SUMF1: variants seen among roughly 807,000 people sequenced by gnomAD.
SUMF1 encodes sulfatase modifying factor 1.
In SUMF1, 48 loss-of-function variants were observed where a neutral mutation model predicts 47.6. The observed-to-expected ratio is 1.01, with a 90% CI of 0.80 to 1.28. The LOEUF is 1.28. SUMF1 is among the 50% of genes most tolerant of loss of function. The pLI is 0.00. For missense variants in SUMF1, 571 were observed against 485.4 expected, an observed-to-expected ratio of 1.18 and a Z score of -1.66; for synonymous variants, 230 against 192.1, an observed-to-expected ratio of 1.20 and a Z score of -1.63.
intron 8 of SUMF1, among the ~76,000 whole-genome samples, chr3:4,115,415 G>T (rs1471509644): frequency 6.6e-6 from 1 of 152,134 alleles, no homozygotes; most frequent in Non-Finnish European, 1.5e-5. Flanking sequence ...ATAAGGCAGA[G>T]GGCCTAATTG....
At chr3:4,190,398 G>A (rs769046031) in intron 8 of SUMF1, among the ~76,000 whole-genome samples, 28 of 152,024 alleles carry the variant, frequency 1.8e-4, no homozygotes, top group Non-Finnish European at 3.2e-4. Flanking sequence ...GAGTACAGAA[G>A]CAAAAGAATT....
chr3:4,159,666 T>A (rs570301739), intron 8 of SUMF1, among the ~76,000 whole-genome samples: 1 of 152,256 alleles, frequency 6.6e-6, no homozygotes, highest in Admixed American at 6.5e-5. Context: ...TGACTTCTTA[T>A]TGTTAAATAA....
intron 8 of SUMF1, among the ~76,000 whole-genome samples, chr3:4,091,939 C>T (rs750108372): frequency 1.7e-4 from 26 of 151,854 alleles, no homozygotes; most frequent in Non-Finnish European, 2.5e-4. Context: ...CTTGGACCCC[C>T]CTCAAAGGAC....
chr3:4,360,205 C>CTTTTTTTTTTTT (rs57690047), downstream of SUMF1, among the ~76,000 whole-genome samples: 1 of 104,140 alleles, frequency 9.6e-6, no homozygotes, highest in Non-Finnish European at 2.0e-5. Context: ...AATGTTTGTT[C>CTTTTTTTTTTTT]TTTTTTTTTT....
At chr3:4,243,596 G>T (rs571353689) in intron 8 of SUMF1, among the ~76,000 whole-genome samples, 45 of 152,266 alleles carry the variant, frequency 3.0e-4, no homozygotes, top group African/African-American at 1.0e-3. Flanking sequence ...TTAATTCTGA[G>T]TTCTAGTTTG....
At chr3:4,415,226 C>CAAAAAAAA (rs35397535) in intron 6 of SUMF1, among the ~76,000 whole-genome samples, 1 of 78,318 alleles carries the variant, frequency 1.3e-5, no homozygotes, top group Non-Finnish European at 2.5e-5. Flanking sequence ...GACTCCATCT[C>CAAAAAAAA]AAAAAAAAAA....
intron 8 of SUMF1, among the ~76,000 whole-genome samples, chr3:4,169,751 C>T (rs577875392): frequency 4.3e-4 from 66 of 152,106 alleles, no homozygotes; most frequent in African/African-American, 1.3e-3. Context: ...CTTGTGCAAA[C>T]GGCATGCTCA....
At position 4,326,522 on chromosome 3, in the gene SUMF1, G is replaced by GTTTTTTTTT. The variant is rs35648890; in HGVS notation, c.1014+49799_1014+49807dup. On this transcript the variant is annotated intron_variant and NMD_transcript_variant, in intron 8 of 12. Transcript: ENST00000448413. The stretch of plus-strand genomic sequence containing the variant: ...ATGTACAAGGCCAGTTTTTCCAAGG[G>GTTTTTTTTT]TTTTTTTTTTTTTGAGATAGATCCT... Among the ~76,000 whole-genome samples the GTTTTTTTTT allele has an allele frequency of 3.8e-4, 49 of 128,684 alleles. 3 individuals carry two copies. Among genetic ancestry groups the GTTTTTTTTT allele is most frequent in the African/African-American group, 1.5e-3 (43 of 29,638 alleles). The allele number at this position is 128,684 out of a possible 152,430, so 84.4% of individuals were successfully genotyped here. A position where few individuals can be genotyped will look rare whatever the true frequency, so the allele number is the denominator to read the frequency against.
intron 9 of SUMF1, among the ~76,000 whole-genome samples, chr3:4,048,542 CCT>C (rs1232273753): frequency 1.3e-5 from 2 of 152,048 alleles, no homozygotes; most frequent in South Asian, 2.1e-4. Flanking sequence ...AATAATTCCC[CCT>C]GTTATAAGTC....
intron 8 of SUMF1, among the ~76,000 whole-genome samples, chr3:4,143,930 T>C (rs1415170828): frequency 6.6e-6 from 1 of 151,510 alleles, no homozygotes; most frequent in Non-Finnish European, 1.5e-5. Flanking sequence ...ATGATAAAGT[T>C]AGAGAAGCAC....
At chr3:4,459,091 T>C (rs181747891) in intron 1 of SUMF1, among the ~76,000 whole-genome samples, 21 of 152,182 alleles carry the variant, frequency 1.4e-4, no homozygotes, top group Admixed American at 1.3e-3. Context: ...AAATTTCAGT[T>C]AGATAGAAGA....
intron 8 of SUMF1, among the ~76,000 whole-genome samples, chr3:4,215,231 G>A (rs1024889933): frequency 6.6e-6 from 1 of 152,138 alleles, no homozygotes; most frequent in African/African-American, 2.4e-5. Context: ...GGGATGCAAG[G>A]CTGGTTCAAC....
chr3:4,290,729 T>C (rs1422754123), intron 8 of SUMF1, among the ~76,000 whole-genome samples: 1 of 152,202 alleles, frequency 6.6e-6, no homozygotes, highest in Non-Finnish European at 1.5e-5. Context: ...TCATATTGTA[T>C]AGTCTTATCT....
intron 8 of SUMF1, among the ~76,000 whole-genome samples, chr3:4,324,032 G>C (rs531259185): frequency 1.3e-5 from 2 of 152,254 alleles, no homozygotes; most frequent in African/African-American, 4.8e-5. Context: ...TTACTGTATA[G>C]ATTTAGCAGA....
intron 7 of SUMF1, among the ~76,000 whole-genome samples, chr3:4,393,255 C>A (rs1191055491): frequency 6.6e-6 from 1 of 152,142 alleles, no homozygotes; most frequent in Non-Finnish European, 1.5e-5. Flanking sequence ...TTCAGTGCCC[C>A]CATCCTCCAC....
chr3:4,467,191 C>G lies in SUMF1; in HGVS notation c.55G>C (p.Val19Leu). The G allele has an allele frequency of 6.2e-7, 1 of 1,610,686 alleles. No individual in the cohort carries two copies. Among genetic ancestry groups the G allele is most frequent in the East Asian group, 2.2e-5 (1 of 44,750 alleles). The change falls in exon 1 of 9, where the codon GTC becomes CTC. Residue 19 changes from valine to leucine, a missense_variant. Transcript: ENST00000272902. ...AGCGAGAGCAGCAGCAGCAAGAGGA[C>G]GAGACCCAGCTCAGGGCAACGTCCA... ...VCGRCPELGL[V>L]LLLLLLSLLC...
At chr3:4,339,051 G>A (rs1302761445) in intron 8 of SUMF1, among the ~76,000 whole-genome samples, 2 of 152,070 alleles carry the variant, frequency 1.3e-5, no homozygotes, top group African/African-American at 4.8e-5. Context: ...TTTATTTGGG[G>A]ACCTTAATAC....
At chr3:4,120,634 A>G (rs1191499489) in intron 8 of SUMF1, among the ~76,000 whole-genome samples, 2 of 152,110 alleles carry the variant, frequency 1.3e-5, no homozygotes, top group Non-Finnish European at 2.9e-5. Context: ...CTCTCACCAC[A>G]GATATCAGAT....
At chr3:4,277,213 T>A (rs112440453) in intron 8 of SUMF1, among the ~76,000 whole-genome samples, 170 of 152,212 alleles carry the variant, frequency 1.1e-3, no homozygotes, top group African/African-American at 3.7e-3. Flanking sequence ...CTAGGAACCA[T>A]TGATATAGTC....
Sources: gnomAD v4.1 joint callset for allele counts (sites outside exome capture counted in the v4.1 genomes callset) on GRCh38, gnomAD v4.1.1 for gene constraint, MANE v1.5 for transcripts, NCBI Gene and HGNC (gene_info 2026-07-23, HGNC 2026-07-21) for gene names.